Variants in ZBTB40 observed in about 807,000 individuals in gnomAD.
ZBTB40 encodes zinc finger and BTB domain containing 40.
A neutral mutation model predicts 117.5 loss-of-function variants in ZBTB40; 60 were observed. That is an observed-to-expected ratio of 0.51 (90% CI 0.41 to 0.63). The LOEUF (loss-of-function observed/expected upper bound fraction) is 0.63, where lower values mean the gene tolerates loss of function less well. Among genes scored for constraint, ZBTB40 ranks in the 30% least tolerant of loss-of-function variants. ZBTB40 has a pLI of 0.00. For synonymous variants in ZBTB40, 525 were observed against 577.1 expected (o/e 0.91, Z 1.29); for missense variants, 1,287 against 1,498.5 (o/e 0.86, Z 2.33).
chr1:22,513,858 G>T lies in ZBTB40; in HGVS notation c.2668+728G>T, dbSNP rs780248396. On this transcript the variant is annotated intron_variant, in intron 12 of 17. Coordinates refer to ENST00000375647, the MANE Select transcript of ZBTB40 (RefSeq NM_014870.4). This position sits in a 1 kb window ranked among gnomAD's most constrained non-coding sequence, Gnocchi z 4.9. ...CCTATGACTTTATATTAGGTCTTGT[G>T]GAAAAGTCATTGTGGTTTTTGCCAT... 9.8e-5 allele frequency among the ~76,000 whole-genome samples: 15 copies of T among 152,310 alleles called. No homozygotes were observed. The highest frequency in any genetic ancestry group is 3.4e-4 in the African/African-American group (14 of 41,570).
intron 1 of ZBTB40, among the ~76,000 whole-genome samples, chr1:22,460,145 C>G (rs1641098219): frequency 6.6e-6 from 1 of 152,140 alleles, no homozygotes. Context: ...TCACTCTCAC[C>G]TCTTAGCACT....
At chr1:22,448,139 G>A (rs1640810503), upstream of ZBTB40, among the ~76,000 whole-genome samples, 1 of 152,206 alleles carries the variant, frequency 6.6e-6, no homozygotes, top group African/African-American at 2.4e-5. Flanking sequence ...ACTGAGGAAA[G>A]AACCAGCTTT....
intron 3 of ZBTB40, among the ~76,000 whole-genome samples, chr1:22,499,289 A>G (rs1638862623): frequency 6.6e-6 from 1 of 152,222 alleles, no homozygotes; most frequent in Non-Finnish European, 1.5e-5. Context: ...CAGAGAGAGA[A>G]AACACAGGCA....
chr1:22,507,244 G>A (rs982715613), intron 6 of ZBTB40, among the ~76,000 whole-genome samples: 1 of 152,140 alleles, frequency 6.6e-6, no homozygotes, highest in Non-Finnish European at 1.5e-5. Flanking sequence ...GGTAAGGGTG[G>A]TACCTATCAC....
upstream of ZBTB40, among the ~76,000 whole-genome samples, chr1:22,448,613 A>G (rs533839710): frequency 6.6e-6 from 1 of 152,278 alleles, no homozygotes; most frequent in South Asian, 2.1e-4. Flanking sequence ...TTTTTTGAGC[A>G]AATTATTTAC....
At chr1:22,506,339 T>C (rs957099072) in intron 6 of ZBTB40, 98 bp downstream of exon 6, 1 of 1,187,122 alleles carries the variant, frequency 8.4e-7, no homozygotes, top group African/African-American at 1.5e-5. Context: ...GATAAGATTA[T>C]GTTAAGAAAT....
intron 1 of ZBTB40, among the ~76,000 whole-genome samples, chr1:22,460,838 G>T (rs1641113789): frequency 6.6e-6 from 1 of 152,162 alleles, no homozygotes; most frequent in Non-Finnish European, 1.5e-5. Flanking sequence ...TATTATAGAA[G>T]ACTCTAATAG....
At chr1:22,469,695 G>A (rs558059430) in intron 1 of ZBTB40, among the ~76,000 whole-genome samples, 2 of 151,920 alleles carry the variant, frequency 1.3e-5, no homozygotes, top group Non-Finnish European at 1.5e-5. Flanking sequence ...TAGCTACCAC[G>A]CCCGACTAAT....
chr1:22,458,562 G>C (rs376929675), intron 1 of ZBTB40, among the ~76,000 whole-genome samples: 10 of 152,300 alleles, frequency 6.6e-5, no homozygotes, highest in African/African-American at 2.2e-4. Context: ...ACTGAATGCT[G>C]TTTGGGTTTT....
intron 1 of ZBTB40, among the ~76,000 whole-genome samples, chr1:22,456,885 A>T (rs1439601292): frequency 1.3e-5 from 2 of 152,208 alleles, no homozygotes; most frequent in Non-Finnish European, 1.5e-5. Context: ...AGAGGAAAGG[A>T]GGAGGTAGTG....
At position 22,490,119 on chromosome 1, in the gene ZBTB40, T is replaced by TA; in HGVS notation, c.172dup (p.Thr58AsnfsTer47). The stretch of plus-strand genomic sequence containing the variant: ...TCAAAACCCTGCTGGATAACACAGA[T>TA]ACCATCTCCATCGATGCATCTGTGG... On this transcript the variant is annotated frameshift_variant, in exon 2 of 18. Transcript: ENST00000375647. LOFTEE classifies it high-confidence loss of function. 1.9e-6 allele frequency: 3 copies of TA among 1,614,190 alleles called. No individual in the cohort carries two copies. The highest frequency in any genetic ancestry group is 2.5e-6 in the Non-Finnish European group (3 of 1,180,032).
At chr1:22,430,761 A>G (rs1229773801) in intron 1 of ZBTB40, among the ~76,000 whole-genome samples, 1 of 151,992 alleles carries the variant, frequency 6.6e-6, no homozygotes, top group Non-Finnish European at 1.5e-5. Flanking sequence ...GTGAGGAACC[A>G]TGCCCAGCCA....
rs1418926546 is a variant in ZBTB40, at chr1:22,530,066, C to G, written c.*3670C>G. Reference sequence around the variant, plus strand: ...TGTTTAAACCTCACGTGCCTGGAAGCTGCACATTGACCAAAGGAGGGAGGG... The same window carrying G: ...TGTTTAAACCTCACGTGCCTGGAAGGTGCACATTGACCAAAGGAGGGAGGG... On this transcript the variant is annotated 3_prime_UTR_variant, in exon 18 of 18. Transcript: ENST00000375647. The G allele has an allele frequency of 6.6e-6, 1 of 152,040 alleles. No homozygotes were observed. The highest frequency in any genetic ancestry group is 1.9e-4 in the East Asian group (1 of 5,242). 9.4% of individuals were successfully genotyped at this position (152,040 alleles called of 1,614,324 possible). A position where few individuals can be genotyped will look rare whatever the true frequency, so the allele number is the denominator to read the frequency against.
In ZBTB40 at chr1:22,526,268, G is replaced by A. The variant is rs565990684; in HGVS notation, c.3592G>A (p.Ala1198Thr). 79 of 1,614,210 alleles carry A rather than the reference G, an allele frequency of 4.9e-5. 2 individuals are homozygous for A. Among genetic ancestry groups the A allele is most frequent in the South Asian group, 3.6e-4 (33 of 91,078 alleles). Residue 1198 changes from alanine to threonine, a missense_variant, in exon 18 of 18, where the codon GCC (alanine) becomes ACC (threonine). By Grantham distance (58) the Ala-to-Thr change is moderately conservative (BLOSUM62 0). Transcript: ENST00000375647. ...GATCACTTTGGAGGAGACCCAGCTTGCCGGGTCGCAGGTGTTTGTGACGTT... is the reference window on the plus strand; with the variant it reads ...GATCACTTTGGAGGAGACCCAGCTTACCGGGTCGCAGGTGTTTGTGACGTT... ...QVITLEETQL[A>T]GSQVFVTLPD...
chr1:22,441,058 A>T (rs1640726157), intron 1 of ZBTB40, among the ~76,000 whole-genome samples: 1 of 152,078 alleles, frequency 6.6e-6, no homozygotes, highest in Admixed American at 6.5e-5. Context: ...AATTGGTATT[A>T]GTTGTTCTTT....
chr1:22,509,086 CCCCTTTTTTT>C lies in ZBTB40; in HGVS notation c.1700-12_1700-3del, dbSNP rs1385161911. ...TTGTTTGCCTAATGAGTTTTTGATC[CCCCTTTTTTT>C]CAGTGACCACCCCAGAACATGCCAC... On this transcript the variant is annotated splice_region_variant and splice_polypyrimidine_tract_variant and intron_variant, in intron 8 of 17. Transcript: ENST00000375647. 6.2e-7 allele frequency: 1 copy of C among 1,613,782 alleles called. No individual in the cohort carries two copies. Among genetic ancestry groups the C allele is most frequent in the East Asian group, 2.2e-5 (1 of 44,864 alleles).
Position 22,490,092 on chromosome 1 carries a change from G to A in ZBTB40, c.144G>A (p.Leu48=), listed in dbSNP as rs780072797. Residue 48 remains leucine (L), a synonymous_variant, in exon 2 of 18, where the codon CTG becomes CTA. Transcript: ENST00000375647. ...TTGTCCTGGCTGCTGCCAGCCTCCT[G>A]TTCAAAACCCTGCTGGATAACACAG... ...HKLVLAAASL[L]FKTLLDNTDT... 1.1e-5 allele frequency: 18 copies of A among 1,614,020 alleles called. No homozygotes were observed. The highest frequency in any genetic ancestry group is 1.6e-4 in the Middle Eastern group (1 of 6,084).
intron 1 of ZBTB40, chr1:22,452,978 G>A (rs796073672): frequency 8.5e-5 from 13 of 152,208 alleles, no homozygotes; most frequent in African/African-American, 2.4e-4. Context: ...TACAAACGAG[G>A]AAGAAATTTG....
At chr1:22,501,754 A>G (rs1044144447) in intron 4 of ZBTB40, 70 bp downstream of exon 4, 7 of 1,521,144 alleles carry the variant, frequency 4.6e-6, no homozygotes, top group Non-Finnish European at 6.3e-6. Flanking sequence ...GTTTGTTCCA[A>G]TGACATGTTT....
Sources: allele counts gnomAD v4.1 joint callset (sites outside exome capture counted in the v4.1 genomes callset), GRCh38; gene constraint gnomAD v4.1.1; non-coding constraint Gnocchi (gnomAD v3.1); transcripts MANE v1.5; gene names NCBI Gene and HGNC (gene_info 2026-07-23, HGNC 2026-07-21).